Variants in MIB1 observed in about 807,000 individuals in gnomAD.
MIB1 encodes E3 ubiquitin-protein ligase MIB1.
In MIB1, 278 loss-of-function variants were observed where a neutral mutation model predicts 124.5. That is an observed-to-expected ratio of 2.23 (90% CI 2.02 to 2.47). The LOEUF (loss-of-function observed/expected upper bound fraction) is 2.47. MIB1 is among the 30% of genes most tolerant of loss of function. The probability of loss-of-function intolerance (pLI) is 0.00; values close to 1 mark genes in which losing one functional copy is unlikely to be tolerated. For synonymous variants in MIB1, 446 were observed against 429.4 expected (o/e 1.04, Z -0.48); for missense variants, 957 against 1,254.4 (o/e 0.76, Z 3.58).
intron 12 of MIB1, among the ~76,000 whole-genome samples, chr18:21,820,169 A>T (rs184563574): frequency 4.0e-4 from 61 of 152,336 alleles, no homozygotes; most frequent in Non-Finnish European, 1.5e-5. Context: ...CTCCTTTTGG[A>T]GAATCACATT....
chr18:21,823,250 A>G (rs984444715), intron 12 of MIB1, among the ~76,000 whole-genome samples: 54 of 148,474 alleles, frequency 3.6e-4, no homozygotes, highest in Admixed American at 1.1e-3. Flanking sequence ...AAAAAAAAAG[A>G]ATCAGCTGGG....
intron 1 of MIB1, among the ~76,000 whole-genome samples, chr18:21,753,626 C>T (rs1481264139): frequency 6.6e-6 from 1 of 152,004 alleles, no homozygotes; most frequent in Non-Finnish European, 1.5e-5. Context: ...AAAAAGAGAC[C>T]TCAAAATGAC....
chr18:21,841,739 T>C (rs1172562020), intron 13 of MIB1, among the ~76,000 whole-genome samples: 2 of 152,176 alleles, frequency 1.3e-5, no homozygotes, highest in African/African-American at 4.8e-5. Flanking sequence ...CAAGAGAACA[T>C]AGGACACCTT....
At chr18:21,774,003 G>A (rs147623646) in intron 4 of MIB1, among the ~76,000 whole-genome samples, 25 of 152,300 alleles carry the variant, frequency 1.6e-4, no homozygotes, top group African/African-American at 5.3e-4. Context: ...GGAATCATCT[G>A]TAAGACCATT....
intron 6 of MIB1, among the ~76,000 whole-genome samples, chr18:21,787,651 T>G (rs1163084082): frequency 1.3e-5 from 2 of 152,160 alleles, no homozygotes; most frequent in African/African-American, 4.8e-5. Flanking sequence ...AGAAATTCGT[T>G]TCTTTTATTA....
intron 2 of MIB1, 89 bp downstream of exon 2, chr18:21,766,032 T>C (rs1157938147): frequency 1.6e-6 from 2 of 1,262,236 alleles, no homozygotes; most frequent in Non-Finnish European, 2.3e-6. Context: ...GATTAGCAAA[T>C]AGCTTCTGAC....
chr18:21,815,940 G>A (rs1459606397), intron 11 of MIB1, 127 bp downstream of exon 11: 6 of 827,410 alleles, frequency 7.3e-6, no homozygotes, highest in South Asian at 2.2e-5. Context: ...TACCAAAGGC[G>A]TAAGATGTTA....
chr18:21,744,335 T>C (rs538587697), intron 1 of MIB1, among the ~76,000 whole-genome samples: 2 of 152,314 alleles, frequency 1.3e-5, no homozygotes, highest in Non-Finnish European at 2.9e-5. Flanking sequence ...GAAACAATTG[T>C]AGTCTTCCAG....
chr18:21,714,548 T>G (rs2040680029), intron 1 of MIB1, among the ~76,000 whole-genome samples: 1 of 152,214 alleles, frequency 6.6e-6, no homozygotes, highest in Non-Finnish European at 1.5e-5. Flanking sequence ...TTAGTCTCAA[T>G]GTTGGCCTTT....
chr18:21,849,603 G>A (rs2042165050), intron 17 of MIB1, among the ~76,000 whole-genome samples: 2 of 152,140 alleles, frequency 1.3e-5, no homozygotes, highest in South Asian at 4.1e-4. Flanking sequence ...GATTTGCTAA[G>A]TTAATTATTG....
At chr18:21,822,917 T>C (rs1045595275) in intron 12 of MIB1, among the ~76,000 whole-genome samples, 2 of 151,864 alleles carry the variant, frequency 1.3e-5, no homozygotes, top group African/African-American at 4.8e-5. Flanking sequence ...CTGGGCAATG[T>C]AGCAAGACCC....
intron 1 of MIB1, among the ~76,000 whole-genome samples, chr18:21,705,645 G>A (rs570046481): frequency 6.6e-6 from 1 of 152,338 alleles, no homozygotes; most frequent in African/African-American, 2.4e-5. Context: ...AAGGGAAAGT[G>A]CTGTCTAGAT....
upstream of MIB1, among the ~76,000 whole-genome samples, chr18:21,736,407 A>C (rs1477615809): frequency 6.6e-6 from 1 of 152,242 alleles, no homozygotes; most frequent in Non-Finnish European, 1.5e-5. Context: ...AGAGATGGGG[A>C]GAAACCAGCA....
At chr18:21,740,667 T>C (rs1233392658), upstream of MIB1, among the ~76,000 whole-genome samples, 1 of 152,176 alleles carries the variant, frequency 6.6e-6, no homozygotes, top group Non-Finnish European at 1.5e-5. Flanking sequence ...TCATAGCTCA[T>C]TGGGCGCGCG....
chr18:21,728,502 A>AG (rs1264054052), intron 1 of MIB1, among the ~76,000 whole-genome samples: 5 of 152,208 alleles, frequency 3.3e-5, no homozygotes, highest in Non-Finnish European at 5.9e-5. Context: ...TCAAAAAAAA[A>AG]CAAAAAACTA....
In MIB1 at chr18:21,723,275, A is replaced by T. The variant is rs1182488215; in HGVS notation, n.167+18152A>T. 1.3e-5 allele frequency among the ~76,000 whole-genome samples: 2 copies of T among 151,422 alleles called. 1 individual carries two copies. Among genetic ancestry groups the T allele is most frequent in the African/African-American group, 4.9e-5 (2 of 41,160 alleles). On this transcript the variant is annotated intron_variant and non_coding_transcript_variant, in intron 1 of 20. Coordinates refer to the MIB1 transcript ENST00000578646. ...TTTTTAAGCAATTCTTTACTTTCTG[A>T]TACTTTGTGGAGGCTGATACTCCAG...
At chr18:21,715,407 T>A (rs944156625) in intron 1 of MIB1, among the ~76,000 whole-genome samples, 1 of 152,018 alleles carries the variant, frequency 6.6e-6, no homozygotes, top group Non-Finnish European at 1.5e-5. Context: ...TCTACCCAAA[T>A]GAGAAGGAAC....
chr18:21,778,816 G>A (rs1463724357), intron 5 of MIB1, among the ~76,000 whole-genome samples: 1 of 151,814 alleles, frequency 6.6e-6, no homozygotes, highest in Non-Finnish European at 1.5e-5. Context: ...AAAGGAGAAT[G>A]CATAAAAAAA....
chr18:21,738,985 TAATG>T (rs1016604273), upstream of MIB1, among the ~76,000 whole-genome samples: 18 of 150,970 alleles, frequency 1.2e-4, no homozygotes, highest in Non-Finnish European at 2.4e-4. Context: ...TCAAAAAAAT[TAATG>T]AATCCAGGAG....
Sources: gnomAD v4.1 joint callset for allele counts (sites outside exome capture counted in the v4.1 genomes callset) on GRCh38, gnomAD v4.1.1 for gene constraint, MANE v1.5 for transcripts, NCBI Gene and HGNC (gene_info 2026-07-23, HGNC 2026-07-21) for gene names.